The following ITPRID2 variants were observed in gnomAD, a reference collection of about 807,000 sequenced individuals.
ITPRID2 encodes the protein ITPR interacting domain containing 2, also known as protein ITPRID2.
ITPRID2 carries 60 observed loss-of-function variants against 124.3 expected under a neutral mutation model. That is an observed-to-expected ratio of 0.48 (90% confidence interval 0.39 to 0.60). The LOEUF is 0.60. ITPRID2 is among the 20% of genes least tolerant of loss of function. The probability of loss-of-function intolerance (pLI) is 0.00; values close to 1 mark genes in which losing one functional copy is unlikely to be tolerated. For missense variants in ITPRID2, 1,553 were observed against 1,512.2 expected, an observed-to-expected ratio of 1.03 and a Z score of -0.45; for synonymous variants, 521 against 542.9, an observed-to-expected ratio of 0.96 and a Z score of 0.56.
In ITPRID2 at chr2:181,899,006, G is replaced by C. The variant is rs374914507; in HGVS notation, c.405-8G>C. Reference sequence around the variant, plus strand: ...ATAAAGTTTTATATAATCTGATTTTGTTCGTAGCAATAATATCTTGGCCAA... The same window carrying C: ...ATAAAGTTTTATATAATCTGATTTTCTTCGTAGCAATAATATCTTGGCCAA... On this transcript the variant is annotated splice_polypyrimidine_tract_variant and splice_region_variant and intron_variant, in intron 5 of 17. Transcript: ENST00000431877. The C allele has an allele frequency of 2.5e-6, 4 of 1,605,580 alleles. No individual in the cohort carries two copies. In the East Asian group the frequency reaches 6.7e-5, roughly 27 times the overall value.
intron 4 of ITPRID2, among the ~76,000 whole-genome samples, chr2:181,898,158 A>AC (rs756149145): frequency 2.0e-5 from 3 of 152,058 alleles, no homozygotes; most frequent in Non-Finnish European, 2.9e-5. Flanking sequence ...TGAGTTAGGC[A>AC]CCTTTCTGGT....
intron 9 of ITPRID2, among the ~76,000 whole-genome samples, chr2:181,913,139 C>T (rs1574264343): frequency 6.6e-6 from 1 of 151,982 alleles, no homozygotes; most frequent in African/African-American, 2.4e-5. Context: ...ACAATCTTGG[C>T]TCACTGCAAC....
chr2:181,924,855 ACT>A (rs1050978394), intron 16 of ITPRID2, among the ~76,000 whole-genome samples: 4 of 152,232 alleles, frequency 2.6e-5, no homozygotes, highest in Admixed American at 6.5e-5. Flanking sequence ...AAAAGTACAC[ACT>A]GTCTTAAAAT....
chr2:181,920,348 G>A (rs954810927), intron 14 of ITPRID2, among the ~76,000 whole-genome samples: 2 of 152,062 alleles, frequency 1.3e-5, no homozygotes, highest in African/African-American at 2.4e-5. Flanking sequence ...TGTTGGTGAC[G>A]GGAGAACTAG....
intron 15 of ITPRID2, among the ~76,000 whole-genome samples, chr2:181,921,402 C>T (rs962789182): frequency 2.6e-5 from 4 of 151,688 alleles, no homozygotes; most frequent in Admixed American, 6.6e-5. Context: ...TGCTTGAACC[C>T]GGGAGGCGGA....
chr2:181,920,719 C>T (rs1280311496), intron 15 of ITPRID2, 57 bp downstream of exon 15: 73 of 1,250,222 alleles, frequency 5.8e-5, no homozygotes, highest in Non-Finnish European at 2.6e-5. Flanking sequence ...ATTTCAGACA[C>T]ATAGTTTCCC....
In ITPRID2 at chr2:181,920,610, G is replaced by A. The variant is rs1055267339; in HGVS notation, c.3158G>A (p.Ser1053Asn). ...TTACCTTTTCAGGGAATGTGTGGCA[G>A]TAGAAGCGCTGATAACTTGTCATGC... ...RSSALMGMCG[S>N]RSADNLSCPS... Residue 1053 changes from serine to asparagine, a missense_variant, in exon 15 of 18, where the codon AGT (serine) becomes AAT (asparagine). By Grantham distance (46) the Ser-to-Asn change is conservative. Coordinates refer to ENST00000431877, the MANE Select transcript of ITPRID2 (RefSeq NM_001130445.3). 2.5e-6 allele frequency: 4 copies of A among 1,613,070 alleles called. No individual in the cohort carries two copies. Among genetic ancestry groups the A allele is most frequent in the African/African-American group, 1.3e-5 (1 of 74,884 alleles).
In ITPRID2 at chr2:181,915,646, T is replaced by C. The variant is rs1447094442; in HGVS notation, c.2006T>C (p.Ile669Thr). The C allele has an allele frequency of 6.2e-7, 1 of 1,614,232 alleles. No individual in the cohort carries two copies. The change falls in exon 11 of 18, where the codon ATT (isoleucine) becomes ACT (threonine). Residue 669 changes from isoleucine (I) to threonine (T), a missense_variant. Physicochemically the swap from Ile to Thr is moderately conservative, Grantham distance 89. Transcript: ENST00000431877. ...THHILKSLASIEAKCSDMSSE... is the reference protein window; with the variant it reads ...THHILKSLASTEAKCSDMSSE... ...CATATTCTGAAATCATTGGCTTCTATTGAAGCTAAATGCAGTGATATGAGC... is the reference window on the plus strand; with the variant it reads ...CATATTCTGAAATCATTGGCTTCTACTGAAGCTAAATGCAGTGATATGAGC...
At chr2:181,917,672 G>T (rs548797014) in intron 11 of ITPRID2, 5 of 152,528 alleles carry the variant, frequency 3.3e-5, no homozygotes, top group African/African-American at 1.2e-4. Flanking sequence ...CTATGATGTG[G>T]TCTCTGACTA....
intron 8 of ITPRID2, among the ~76,000 whole-genome samples, chr2:181,903,731 A>C (rs1280224560): frequency 6.6e-6 from 1 of 151,642 alleles, no homozygotes; most frequent in African/African-American, 2.4e-5. Flanking sequence ...CTATCTTTTT[A>C]CCTCCTGGTA....
At chr2:181,918,365 G>A in intron 11 of ITPRID2, 1 of 1,280,704 alleles carries the variant, frequency 7.8e-7, no homozygotes, top group South Asian at 2.7e-5. Flanking sequence ...TGTGAACTAT[G>A]TTCCTTCGCC....
At chr2:181,928,850 TCTC>T (rs1695064307) in intron 17 of ITPRID2, among the ~76,000 whole-genome samples, 1 of 152,034 alleles carries the variant, frequency 6.6e-6, no homozygotes, top group South Asian at 2.1e-4. Flanking sequence ...ATGGTCTCGA[TCTC>T]CTGACCTCGT....
chr2:181,926,783 T>C (rs759461398), intron 16 of ITPRID2, among the ~76,000 whole-genome samples: 1 of 151,820 alleles, frequency 6.6e-6, no homozygotes, highest in East Asian at 1.9e-4. Context: ...TAATGAGATA[T>C]AATAAAATGG....
rs1695209599 is a variant in ITPRID2, at chr2:181,930,647, C to CAAAGAATCTT, written c.*1100_*1101insAAAGAATCTT. 1.3e-5 allele frequency: 2 copies of CAAAGAATCTT among 152,414 alleles called. No individual in the cohort carries two copies. The highest frequency in any genetic ancestry group is 4.8e-5 in the African/African-American group (2 of 41,410). 9.4% of individuals were successfully genotyped at this position (152,414 alleles called of 1,614,324 possible). The stretch of plus-strand genomic sequence containing the variant: ...TTAACAGTGTTCTTTGAAAGAATCT[C>CAAAGAATCTT]TAAAAGGCTTATAAATGTTTGAAAT... On this transcript the variant is annotated 3_prime_UTR_variant, in exon 18 of 18. Coordinates refer to ENST00000431877, the MANE Select transcript of ITPRID2 (RefSeq NM_001130445.3).
At position 181,907,460 on chromosome 2, in the gene ITPRID2, T is replaced by TA. The variant is rs1314149769; in HGVS notation, c.1414-2439_1414-2438insA. 1.3e-5 allele frequency among the ~76,000 whole-genome samples: 2 copies of TA among 151,258 alleles called. No individual in the cohort carries two copies. Among genetic ancestry groups the TA allele is most frequent in the Non-Finnish European group, 2.9e-5 (2 of 67,940 alleles). On this transcript the variant is annotated intron_variant, in intron 8 of 17. Coordinates refer to ENST00000431877, the MANE Select transcript of ITPRID2 (RefSeq NM_001130445.3). The surrounding 1 kb of genome is among the most constrained non-coding windows in gnomAD (Gnocchi z 5.1). Reference sequence around the variant, plus strand: ...TTGGTTTAGTGGTTTTTTTTTTTTTTTATATTATGAAACAGTTTTGTTATG... The same window carrying TA: ...TTGGTTTAGTGGTTTTTTTTTTTTTTATATATTATGAAACAGTTTTGTTATG...
chr2:181,917,552 C>T (rs1371192096), intron 11 of ITPRID2: 1 of 152,244 alleles, frequency 6.6e-6, no homozygotes, highest in East Asian at 1.9e-4. Flanking sequence ...TCTAGGCCAC[C>T]TAGTTCTTCT....
chr2:181,926,569 C>T (rs1026923851), intron 16 of ITPRID2, among the ~76,000 whole-genome samples: 7 of 151,880 alleles, frequency 4.6e-5, no homozygotes, highest in South Asian at 2.1e-4. Flanking sequence ...AAAAATTAGC[C>T]GGGCGTGGTG....
intron 16 of ITPRID2, among the ~76,000 whole-genome samples, chr2:181,923,272 GTAT>G (rs1253722649): frequency 1.3e-5 from 2 of 152,202 alleles, no homozygotes; most frequent in African/African-American, 4.8e-5. Context: ...TTACCTAGTA[GTAT>G]TCTGTGGATT....
At position 181,915,762 on chromosome 2, in the gene ITPRID2, C is replaced by T. The variant is rs752101004; in HGVS notation, c.2122C>T (p.Gln708Ter). 6.2e-7 allele frequency: 1 copy of T among 1,614,064 alleles called. No homozygotes were observed. Among genetic ancestry groups the T allele is most frequent in the Admixed American group, 1.7e-5 (1 of 60,016 alleles). ...AQMKVCSLSN[Q>*]RMGRSLLKSK... ...AATGAAGGTTTGCAGTCTGTCTAAT[C>T]AAAGGATGGGGCGTAGCCTGCTAAA... The change falls in exon 11 of 18, where the codon CAA becomes TAA. Residue 708 changes from glutamine (Q) to a stop codon, truncating the protein, a stop_gained. Coordinates refer to ENST00000431877, the MANE Select transcript of ITPRID2 (RefSeq NM_001130445.3). LOFTEE classifies it high-confidence loss of function.
Sources: gnomAD v4.1 joint callset for allele counts (sites outside exome capture counted in the v4.1 genomes callset) on GRCh38, gnomAD v4.1.1 for gene constraint, Gnocchi (gnomAD v3.1) non-coding constraint, MANE v1.5 for transcripts, NCBI Gene and HGNC (gene_info 2026-07-23, HGNC 2026-07-21) for gene names.